Variants in VAV3 observed in about 807,000 individuals in gnomAD.
VAV3 encodes vav guanine nucleotide exchange factor 3, also known as guanine nucleotide exchange factor VAV3.
In VAV3, 94 loss-of-function variants were observed where a neutral mutation model predicts 131.2. The ratio of observed to expected loss-of-function variants is 0.72; its 90% CI spans 0.61 to 0.85. VAV3 has a LOEUF of 0.85. Ranked by LOEUF, VAV3 falls within the 40% of genes least tolerant of loss-of-function variation. The pLI is 0.00. For missense variants in VAV3, 939 were observed against 1,002.7 expected, an observed-to-expected ratio of 0.94 and a Z score of 0.86; for synonymous variants, 349 against 342.0, an observed-to-expected ratio of 1.02 and a Z score of -0.22.
chr1:107,729,252 A>G (rs1437595610), intron 15 of VAV3, among the ~76,000 whole-genome samples: 1 of 152,192 alleles, frequency 6.6e-6, no homozygotes, highest in African/African-American at 2.4e-5. Context: ...GCTTTAATGC[A>G]TATATATTAT....
At chr1:107,733,832 G>A (rs1662418002) in intron 15 of VAV3, among the ~76,000 whole-genome samples, 1 of 152,200 alleles carries the variant, frequency 6.6e-6, no homozygotes. Context: ...ATATTAACCA[G>A]GAGGACGTCC....
intron 2 of VAV3, among the ~76,000 whole-genome samples, chr1:107,813,966 C>CTGTG (rs1557862656): frequency 4.7e-5 from 4 of 85,860 alleles, no homozygotes; most frequent in African/African-American, 1.7e-4. Flanking sequence ...AATAGTACTC[C>CTGTG]AGTGTGTGTG....
At chr1:107,773,802 G>A (rs1459638906) in intron 4 of VAV3, among the ~76,000 whole-genome samples, 1 of 152,142 alleles carries the variant, frequency 6.6e-6, no homozygotes, top group East Asian at 1.9e-4. Flanking sequence ...CACATCAAAG[G>A]ATAGGAAGGT....
At chr1:107,899,233 T>C (rs1671747923) in intron 1 of VAV3, among the ~76,000 whole-genome samples, 1 of 152,160 alleles carries the variant, frequency 6.6e-6, no homozygotes, top group African/African-American at 2.4e-5. Flanking sequence ...TTACTAAGCA[T>C]CTAGAAATAT....
intron 15 of VAV3, among the ~76,000 whole-genome samples, chr1:107,726,220 T>C (rs1661828901): frequency 1.3e-5 from 2 of 152,132 alleles, no homozygotes; most frequent in South Asian, 4.2e-4. Flanking sequence ...GGAATACACA[T>C]ACAGATAAAT....
At chr1:107,766,920 A>AG (rs397981130) in intron 7 of VAV3, among the ~76,000 whole-genome samples, 1 of 152,132 alleles carries the variant, frequency 6.6e-6, no homozygotes, top group Non-Finnish European at 1.5e-5. Context: ...CTGTGAAAAA[A>AG]GAAATTATCT....
At chr1:107,799,152 G>C (rs1666708004) in intron 2 of VAV3, among the ~76,000 whole-genome samples, 1 of 152,042 alleles carries the variant, frequency 6.6e-6, no homozygotes, top group Non-Finnish European at 1.5e-5. Context: ...TTTTCATTTA[G>C]CTATGTAAAT....
chr1:107,769,039 G>T lies in VAV3; in HGVS notation c.649-530C>A, dbSNP rs553023121. On this transcript the variant is annotated intron_variant, in intron 6 of 26. Coordinates refer to ENST00000370056, the MANE Select transcript of VAV3 (RefSeq NM_006113.5). The stretch of plus-strand genomic sequence containing the variant: ...GTTCCTTGACCACAAATAATCTTGT[G>T]CTCCACTCTAGCTCAACTCCTAAAT... 2.0e-5 allele frequency among the ~76,000 whole-genome samples: 3 copies of T among 152,208 alleles called. No individual in the cohort carries two copies. In the South Asian group the frequency reaches 6.2e-4, roughly 32 times the overall value.
intron 1 of VAV3, among the ~76,000 whole-genome samples, chr1:107,917,854 T>C (rs1489729972): frequency 6.6e-6 from 1 of 152,190 alleles, no homozygotes; most frequent in Admixed American, 6.5e-5. Flanking sequence ...GATGAGCATT[T>C]CCTTTGAGCC....
intron 2 of VAV3, among the ~76,000 whole-genome samples, chr1:107,864,496 A>C (rs139062285): frequency 1.2e-3 from 181 of 152,066 alleles, no homozygotes; most frequent in African/African-American, 4.3e-3. Flanking sequence ...GGTGGCATGC[A>C]CCTGTAGTCC....
At position 107,880,988 on chromosome 1, in the gene VAV3, G is replaced by A. The variant is rs532544512; in HGVS notation, c.205-5971C>T. ...TAATTTTTTTTTAAACACATACTGA[G>A]GCTTAGAGATTTACCAACATTTACA... On this transcript the variant is annotated intron_variant, in intron 1 of 26. Coordinates refer to ENST00000370056, the MANE Select transcript of VAV3 (RefSeq NM_006113.5). 8.5e-5 allele frequency among the ~76,000 whole-genome samples: 13 copies of A among 152,100 alleles called. No homozygotes were observed. In the South Asian group the frequency reaches 2.5e-3, roughly 29 times the overall value.
chr1:107,723,009 G>A lies in VAV3; in HGVS notation c.1503-17948C>T, dbSNP rs902501544. Among the ~76,000 whole-genome samples the A allele has an allele frequency of 2.8e-4, 43 of 152,108 alleles. 1 individual carries two copies. Among genetic ancestry groups the A allele is most frequent in the South Asian group, 1.9e-3 (9 of 4,814 alleles). On this transcript the variant is annotated intron_variant, in intron 15 of 26. Coordinates refer to ENST00000370056, the MANE Select transcript of VAV3 (RefSeq NM_006113.5). ...CAGGATTTTTAGCTTACCCCTTAGTGTTCCTGCAGTCCTTTTTGTTTGGCT... is the reference window on the plus strand; with the variant it reads ...CAGGATTTTTAGCTTACCCCTTAGTATTCCTGCAGTCCTTTTTGTTTGGCT...
chr1:107,733,439 CT>C (rs1662386763), intron 15 of VAV3, among the ~76,000 whole-genome samples: 1 of 152,176 alleles, frequency 6.6e-6, no homozygotes, highest in African/African-American at 2.4e-5. Context: ...TAACAAACTT[CT>C]CCAAGCTAAA....
At chr1:107,590,717 C>A (rs1193070985) in intron 25 of VAV3, among the ~76,000 whole-genome samples, 1 of 152,162 alleles carries the variant, frequency 6.6e-6, no homozygotes, top group African/African-American at 2.4e-5. Context: ...TACTTATGTA[C>A]CATACTTGTA....
At chr1:107,955,589 C>T (rs1254941105) in intron 1 of VAV3, among the ~76,000 whole-genome samples, 1 of 152,112 alleles carries the variant, frequency 6.6e-6, no homozygotes, top group Non-Finnish European at 1.5e-5. Context: ...TGCTCAGCCA[C>T]ACCTGGGAGA....
chr1:107,901,842 A>G (rs1034813158), intron 1 of VAV3, among the ~76,000 whole-genome samples: 8 of 152,158 alleles, frequency 5.3e-5, no homozygotes, highest in Admixed American at 4.6e-4. Context: ...CAGCAGTTCG[A>G]GATCAGCCTG....
At chr1:107,670,479 A>ATT (rs201685860) in intron 19 of VAV3, among the ~76,000 whole-genome samples, 12 of 148,084 alleles carry the variant, frequency 8.1e-5, no homozygotes, top group African/African-American at 2.7e-4. Flanking sequence ...GATTAAACAT[A>ATT]TTTTTTTTTT....
intron 1 of VAV3, among the ~76,000 whole-genome samples, chr1:107,887,744 C>T (rs949269899): frequency 1.3e-5 from 2 of 152,234 alleles, no homozygotes; most frequent in African/African-American, 2.4e-5. Context: ...CCAACCCATA[C>T]ACCAACACAA....
chr1:107,757,470 C>T (rs1664175722), intron 10 of VAV3, 141 bp from the exon 11 acceptor site: 2 of 724,504 alleles, frequency 2.8e-6, no homozygotes, highest in South Asian at 2.6e-5. Context: ...GCTCCATTTC[C>T]ATCAAAAATT....
Sources: gnomAD v4.1 joint callset for allele counts (sites outside exome capture counted in the v4.1 genomes callset) on GRCh38, gnomAD v4.1.1 for gene constraint, MANE v1.5 for transcripts, NCBI Gene and HGNC (gene_info 2026-07-23, HGNC 2026-07-21) for gene names.